The following ERBB4 variants were observed in gnomAD, a reference collection of about 807,000 sequenced individuals.
ERBB4 encodes the protein erb-b2 receptor tyrosine kinase 4, also known as receptor tyrosine-protein kinase erbB-4.
In ERBB4, 42 loss-of-function variants were observed where a neutral mutation model predicts 158.0. The observed-to-expected ratio is 0.27, with a 90% CI of 0.21 to 0.34. The LOEUF is 0.34. ERBB4 is among the 10% of genes least tolerant of loss of function. The pLI is 1.00. For missense variants in ERBB4, 1,333 were observed against 1,624.1 expected, an observed-to-expected ratio of 0.82 and a Z score of 3.08; for synonymous variants, 583 against 558.7, an observed-to-expected ratio of 1.04 and a Z score of -0.61.
intron 2 of ERBB4, among the ~76,000 whole-genome samples, chr2:212,053,215 T>C (rs1490823724): frequency 1.3e-5 from 2 of 152,168 alleles, no homozygotes; most frequent in African/African-American, 4.8e-5. Context: ...TACATATCAT[T>C]TCCCTCTTCA....
chr2:211,491,417 A>G (rs1250149294), intron 20 of ERBB4, among the ~76,000 whole-genome samples: 1 of 152,058 alleles, frequency 6.6e-6, no homozygotes, highest in East Asian at 1.9e-4. Flanking sequence ...TTACAATTGA[A>G]CATTACAAAT....
At chr2:211,672,711 T>A (rs181498458) in intron 14 of ERBB4, among the ~76,000 whole-genome samples, 98 of 152,344 alleles carry the variant, frequency 6.4e-4, no homozygotes, top group Middle Eastern at 3.4e-3. Context: ...TATGTTTATA[T>A]GTTTCTTCTT....
At chr2:211,527,316 C>G (rs761635937) in intron 20 of ERBB4, among the ~76,000 whole-genome samples, 1 of 151,802 alleles carries the variant, frequency 6.6e-6, no homozygotes, top group African/African-American at 2.4e-5. Context: ...GGAAAAAAAC[C>G]CCAACTTTTA....
chr2:212,229,118 A>G (rs9288450), intron 1 of ERBB4, among the ~76,000 whole-genome samples: 17,194 of 152,208 alleles, frequency 0.11, 3,057 homozygotes, highest in African/African-American at 0.38. Flanking sequence ...ACATAGGTGA[A>G]TAATGTACAG....
intron 3 of ERBB4, among the ~76,000 whole-genome samples, chr2:211,945,317 T>C (rs1441056892): frequency 1.3e-5 from 2 of 152,098 alleles, no homozygotes; most frequent in East Asian, 1.9e-4. Flanking sequence ...TCAACCAGAA[T>C]ACCTAAAGTT....
At chr2:211,817,908 G>A (rs1202293510) in intron 3 of ERBB4, among the ~76,000 whole-genome samples, 6 of 152,084 alleles carry the variant, frequency 3.9e-5, no homozygotes, top group Non-Finnish European at 2.9e-5. Flanking sequence ...CAGAACTATC[G>A]AATCCTCTAT....
chr2:211,413,094 G>C (rs1242061446), intron 25 of ERBB4, among the ~76,000 whole-genome samples: 1 of 151,924 alleles, frequency 6.6e-6, no homozygotes, highest in Non-Finnish European at 1.5e-5. Context: ...CCAGGAGTTT[G>C]AGACCATCTT....
At chr2:212,490,424 TAGTTC>T (rs1367582908) in intron 1 of ERBB4, among the ~76,000 whole-genome samples, 1 of 151,834 alleles carries the variant, frequency 6.6e-6, no homozygotes, top group African/African-American at 2.4e-5. Context: ...CCTCACTGTC[TAGTTC>T]TTTTCCCCTT....
rs1206378768 is a variant in ERBB4 at position 211,479,782 on chromosome 2, TA to T, written c.2488-48683del. 2.0e-5 allele frequency among the ~76,000 whole-genome samples: 3 copies of T among 152,116 alleles called. No individual in the cohort carries two copies. In the East Asian group the frequency reaches 5.8e-4, roughly 29 times the overall value. ...CCAATCACAATGTTTTGGGGCAAAA[TA>T]CTGGGGCAAAATATTTGGACAAAAT... On this transcript the variant is annotated intron_variant, in intron 20 of 27. Transcript: ENST00000342788.
chr2:212,471,240 C>T (rs1689102335), intron 1 of ERBB4, among the ~76,000 whole-genome samples: 1 of 151,956 alleles, frequency 6.6e-6, no homozygotes, highest in Non-Finnish European at 1.5e-5. Flanking sequence ...GAGAAATGTT[C>T]TAACTGGTTT....
At chr2:211,975,715 C>A (rs532795015) in intron 2 of ERBB4, among the ~76,000 whole-genome samples, 2 of 152,058 alleles carry the variant, frequency 1.3e-5, no homozygotes, top group African/African-American at 4.8e-5. Context: ...CATTCATTTA[C>A]GTCTTGTATA....
At chr2:212,521,814 T>C (rs1692186125) in intron 1 of ERBB4, among the ~76,000 whole-genome samples, 1 of 151,956 alleles carries the variant, frequency 6.6e-6, no homozygotes, top group South Asian at 2.1e-4. Context: ...GATTCCTCTA[T>C]TTTACTCCTT....
At chr2:211,716,483 C>T (rs368708795) in intron 7 of ERBB4, among the ~76,000 whole-genome samples, 58 of 150,894 alleles carry the variant, frequency 3.8e-4, no homozygotes, top group East Asian at 1.8e-3. Flanking sequence ...GAGACCATCC[C>T]GGCTAACACG....
At chr2:211,548,243 T>C (rs34991391) in intron 20 of ERBB4, among the ~76,000 whole-genome samples, 6,268 of 151,806 alleles carry the variant, frequency 0.041, 220 homozygotes, top group Middle Eastern at 0.099. Context: ...TGATTCAAAT[T>C]CAACCAGGTG....
At chr2:211,425,345 C>A (rs937444061) in intron 22 of ERBB4, among the ~76,000 whole-genome samples, 1 of 142,366 alleles carries the variant, frequency 7.0e-6, no homozygotes, top group African/African-American at 3.1e-5. Context: ...AACAAAAATA[C>A]AAAGCTTAAA....
At chr2:212,388,443 A>G (rs943349861) in intron 1 of ERBB4, among the ~76,000 whole-genome samples, 1 of 152,114 alleles carries the variant, frequency 6.6e-6, no homozygotes, top group Non-Finnish European at 1.5e-5. Flanking sequence ...TACAGGCTGA[A>G]TGCCTCAAGA....
At chr2:211,729,163 T>C (rs2074359132) in intron 5 of ERBB4, among the ~76,000 whole-genome samples, 1 of 151,822 alleles carries the variant, frequency 6.6e-6, no homozygotes, top group Admixed American at 6.6e-5. Flanking sequence ...AAATATTTAA[T>C]ATTTTTTCAG....
At position 211,750,722 on chromosome 2, in the gene ERBB4, G is replaced by A. The variant is rs2106209545; in HGVS notation, c.557-18C>T. On this transcript the variant is annotated intron_variant, in intron 4 of 27. Transcript: ENST00000342788. ...ACGTCCACCTGCAGAACACGAAAAG[G>A]GAAAAAGGACATGCACGTTATAATC... 2 of 1,610,314 alleles carry A rather than the reference G, an allele frequency of 1.2e-6. No homozygotes were observed. The highest frequency in any genetic ancestry group is 1.7e-6 in the Non-Finnish European group (2 of 1,176,672).
intron 1 of ERBB4, among the ~76,000 whole-genome samples, chr2:212,311,490 G>C (rs975726007): frequency 8.6e-5 from 13 of 150,784 alleles, no homozygotes; most frequent in African/African-American, 2.7e-4. Context: ...GCCCATTAAA[G>C]CTATATATCT....
Sources: allele counts gnomAD v4.1 joint callset (sites outside exome capture counted in the v4.1 genomes callset), GRCh38; gene constraint gnomAD v4.1.1; transcripts MANE v1.5; gene names NCBI Gene and HGNC (gene_info 2026-07-23, HGNC 2026-07-21).